Variants in RBPJ observed in about 807,000 individuals in gnomAD.
RBPJ encodes the protein recombining binding protein suppressor of hairless.
RBPJ carries 9 observed loss-of-function variants against 67.8 expected under a neutral mutation model. The ratio of observed to expected loss-of-function variants is 0.13; its 90% confidence interval spans 0.08 to 0.23. RBPJ has a LOEUF of 0.23. Among genes scored for constraint, RBPJ ranks in the 10% least tolerant of loss-of-function variants. RBPJ has a pLI of 1.00. For synonymous variants in RBPJ, 198 were observed against 203.3 expected (o/e 0.97, Z 0.22); for missense variants, 305 against 595.6 (o/e 0.51, Z 5.08).
intron 1 of RBPJ, among the ~76,000 whole-genome samples, chr4:26,164,442 G>A (rs1716187536): frequency 6.6e-6 from 1 of 152,208 alleles, no homozygotes. Context: ...TCTCAGAGCA[G>A]GGGCCAAGGA....
intron 1 of RBPJ, among the ~76,000 whole-genome samples, chr4:26,274,965 AAAAG>A (rs1433187337): frequency 6.6e-6 from 1 of 152,168 alleles, no homozygotes. Context: ...AAGAAAAGAA[AAAAG>A]AAAGGAAAGG....
chr4:26,364,894 G>C (rs1728469714), intron 1 of RBPJ, among the ~76,000 whole-genome samples: 1 of 151,632 alleles, frequency 6.6e-6, no homozygotes, highest in South Asian at 2.1e-4. Flanking sequence ...TGGGATTATA[G>C]GTGTGAGCCA....
chr4:26,329,240 G>A (rs1179697768), intron 1 of RBPJ, among the ~76,000 whole-genome samples: 2 of 152,124 alleles, frequency 1.3e-5, no homozygotes, highest in Non-Finnish European at 2.9e-5. Flanking sequence ...TGATCCACCC[G>A]CCTCAGACTC....
chr4:26,347,951 T>C (rs1040951305), intron 1 of RBPJ, among the ~76,000 whole-genome samples: 1 of 151,704 alleles, frequency 6.6e-6, no homozygotes. Context: ...CCTTTTTTTT[T>C]TTCTTTTTCT....
chr4:26,273,829 CTCT>C (rs1351784201), intron 1 of RBPJ, among the ~76,000 whole-genome samples: 6 of 152,186 alleles, frequency 3.9e-5, no homozygotes, highest in Admixed American at 1.3e-4. Flanking sequence ...CGGTTCTTCC[CTCT>C]TCTTCTTTGA....
intron 3 of RBPJ, among the ~76,000 whole-genome samples, chr4:26,413,752 G>A (rs888835113): frequency 9.9e-5 from 15 of 152,154 alleles, no homozygotes; most frequent in African/African-American, 3.6e-4. Flanking sequence ...AGGAAGACCT[G>A]AGCACCAAAT....
chr4:26,293,659 A>G (rs1721751224), intron 1 of RBPJ, among the ~76,000 whole-genome samples: 1 of 144,676 alleles, frequency 6.9e-6, no homozygotes, highest in Non-Finnish European at 1.6e-5. Context: ...AAAAAAATAA[A>G]AAGCACAGAG....
intron 1 of RBPJ, among the ~76,000 whole-genome samples, chr4:26,305,618 G>A (rs1343118935): frequency 1.3e-5 from 2 of 151,726 alleles, no homozygotes; most frequent in Non-Finnish European, 2.9e-5. Context: ...ATTGGAAATG[G>A]GATTGTTTTC....
chr4:26,194,789 T>C (rs1183604147), intron 1 of RBPJ, among the ~76,000 whole-genome samples: 1 of 152,100 alleles, frequency 6.6e-6, no homozygotes, highest in Admixed American at 6.5e-5. Context: ...AAATGCAAAA[T>C]AAAATGTCTC....
At chr4:26,109,446 C>G in the RBPJ span, among the ~76,000 whole-genome samples, 1 of 27,520 alleles carries the variant, frequency 3.6e-5, no homozygotes, top group African/African-American at 2.6e-4. Context: ...CTCTCTCTCT[C>G]TCTCTCTCTC....
intron 1 of RBPJ, among the ~76,000 whole-genome samples, chr4:26,183,072 G>C: frequency 6.6e-6 from 1 of 152,206 alleles, no homozygotes; most frequent in African/African-American, 2.4e-5. Flanking sequence ...GTATAGTATA[G>C]TAAATACAGA....
chr4:26,312,270 T>A (rs182430643), intron 1 of RBPJ, among the ~76,000 whole-genome samples: 142 of 152,268 alleles, frequency 9.3e-4, no homozygotes, highest in African/African-American at 3.2e-3. Context: ...TAGCTGGGAC[T>A]GCAGGCACCC....
intron 4 of RBPJ, 94 bp from the exon 5 acceptor site, chr4:26,420,457 T>A (rs1372253364): frequency 2.6e-6 from 2 of 762,544 alleles, no homozygotes; most frequent in Non-Finnish European, 4.0e-6. Context: ...GGAATTGTTT[T>A]ACTTATTACT....
chr4:26,192,581 C>T (rs1008277025), intron 1 of RBPJ, among the ~76,000 whole-genome samples: 3 of 152,118 alleles, frequency 2.0e-5, no homozygotes, highest in African/African-American at 7.2e-5. Flanking sequence ...TATACTAGCA[C>T]TTAATTGGTT....
chr4:26,214,840 AAGGG>A (rs1577480536), intron 1 of RBPJ, among the ~76,000 whole-genome samples: 3 of 134,492 alleles, frequency 2.2e-5, no homozygotes, highest in South Asian at 2.8e-4. Flanking sequence ...GAAAGGAAGG[AAGGG>A]AGGGAGGGAG....
chr4:26,224,531 A>C (rs1719021197), intron 1 of RBPJ, among the ~76,000 whole-genome samples: 1 of 152,108 alleles, frequency 6.6e-6, no homozygotes, highest in South Asian at 2.1e-4. Context: ...AAAGAGAGGA[A>C]CTTCCCGCAA....
chr4:26,202,184 G>C (rs1718003111), intron 1 of RBPJ, among the ~76,000 whole-genome samples: 1 of 151,964 alleles, frequency 6.6e-6, no homozygotes, highest in African/African-American at 2.4e-5. Context: ...AGCTCATCTG[G>C]TCCACAGCTC....
intron 1 of RBPJ, among the ~76,000 whole-genome samples, chr4:26,351,711 C>A (rs1363693257): frequency 6.6e-6 from 1 of 152,182 alleles, no homozygotes; most frequent in Non-Finnish European, 1.5e-5. Flanking sequence ...ATGAACAATA[C>A]AGGACAATGG....
At chr4:26,256,156 A>C (rs1439946979) in intron 1 of RBPJ, among the ~76,000 whole-genome samples, 1 of 152,182 alleles carries the variant, frequency 6.6e-6, no homozygotes, top group Non-Finnish European at 1.5e-5. Flanking sequence ...CTAAACTGTC[A>C]TCACAACCAC....
Sources: allele counts gnomAD v4.1 joint callset (sites outside exome capture counted in the v4.1 genomes callset), GRCh38; gene constraint gnomAD v4.1.1; transcripts MANE v1.5; gene names NCBI Gene and HGNC (gene_info 2026-07-23, HGNC 2026-07-21).